The following PTPRK variants were observed in gnomAD, a reference collection of about 807,000 sequenced individuals.
PTPRK encodes the protein receptor-type tyrosine-protein phosphatase kappa.
Under a neutral mutation model 178.0 loss-of-function variants are expected in PTPRK, and 75 were observed. The observed-to-expected ratio is 0.42, with a 90% CI of 0.35 to 0.51. PTPRK has a LOEUF of 0.51. PTPRK is among the 20% of genes least tolerant of loss of function. The pLI, the probability that PTPRK is intolerant of heterozygous loss-of-function variation, is 0.02. For synonymous variants in PTPRK, 637 were observed against 620.6 expected, an observed-to-expected ratio of 1.03 and a Z score of -0.39; for missense variants, 1,441 against 1,797.8, an observed-to-expected ratio of 0.80 and a Z score of 3.59.
intron 7 of PTPRK, among the ~76,000 whole-genome samples, chr6:128,095,080 GC>G (rs1251649546): frequency 4.0e-5 from 6 of 151,526 alleles, no homozygotes; most frequent in South Asian, 2.1e-4. Flanking sequence ...TCTAGTGTCT[GC>G]CCCATTTTTC....
chr6:128,463,585 A>G (rs776885301), intron 1 of PTPRK, among the ~76,000 whole-genome samples: 2 of 151,634 alleles, frequency 1.3e-5, no homozygotes, highest in Non-Finnish European at 2.9e-5. Context: ...GTAGTTTTAT[A>G]TAAAACAAGT....
chr6:127,995,008 C>T (rs1583557252), intron 18 of PTPRK, among the ~76,000 whole-genome samples: 1 of 151,756 alleles, frequency 6.6e-6, no homozygotes, highest in East Asian at 1.9e-4. Context: ...AACTCGAGTA[C>T]ATAATAAACT....
intron 1 of PTPRK, among the ~76,000 whole-genome samples, chr6:128,467,926 G>C (rs974948118): frequency 1.3e-5 from 2 of 151,760 alleles, no homozygotes; most frequent in African/African-American, 2.4e-5. Flanking sequence ...GCTTCAATTA[G>C]AAGCAAATGT....
intron 2 of PTPRK, among the ~76,000 whole-genome samples, chr6:128,388,062 T>A (rs1275412924): frequency 1.3e-5 from 2 of 152,244 alleles, no homozygotes; most frequent in Non-Finnish European, 2.9e-5. Context: ...TAGACAAGCT[T>A]GCATTAGAGA....
intron 3 of PTPRK, among the ~76,000 whole-genome samples, chr6:128,253,517 C>A (rs1447850256): frequency 1.3e-5 from 2 of 152,154 alleles, no homozygotes; most frequent in Non-Finnish European, 2.9e-5. Context: ...GTGAAGGTTT[C>A]TACTTCTATC....
intron 7 of PTPRK, among the ~76,000 whole-genome samples, chr6:128,172,805 C>T (rs1800491946): frequency 6.6e-6 from 1 of 151,624 alleles, no homozygotes; most frequent in Non-Finnish European, 1.5e-5. Flanking sequence ...GACATATATT[C>T]TATATCTAGC....
At chr6:128,403,305 T>A (rs1028602478) in intron 1 of PTPRK, among the ~76,000 whole-genome samples, 6 of 152,178 alleles carry the variant, frequency 3.9e-5, no homozygotes, top group Non-Finnish European at 5.9e-5. Flanking sequence ...ACCCCCTTCA[T>A]CTTTACAGAG....
chr6:128,277,467 G>A (rs1461317813), intron 3 of PTPRK, among the ~76,000 whole-genome samples: 1 of 152,162 alleles, frequency 6.6e-6, no homozygotes, highest in African/African-American at 2.4e-5. Context: ...AAGTTAAAGA[G>A]AAGAGAGGTC....
chr6:128,426,172 AT>A (rs1252695537), intron 1 of PTPRK, among the ~76,000 whole-genome samples: 1 of 152,144 alleles, frequency 6.6e-6, no homozygotes, highest in Non-Finnish European at 1.5e-5. Flanking sequence ...TATTCCTCTG[AT>A]TTCTAGTCCT....
Position 128,009,149 on chromosome 6 carries a change from T to C in PTPRK, c.2314A>G (p.Ile772Val), listed in dbSNP as rs776453278. The change falls in exon 14 of 30, where the codon ATA (isoleucine) becomes GTA (valine). Residue 772 changes from isoleucine (I) to valine (V), a missense_variant. By Grantham distance (29) the Ile-to-Val change is conservative. Transcript: ENST00000368226. ...CCTTACCTCTTTTTTACAATTAATA[T>C]GACAACTAGGAGAAGGAGGATGAAC... ...LVFILLLLVV[I>V]LIVKKSKLAK... 2 of 1,608,586 alleles carry C rather than the reference T, an allele frequency of 1.2e-6. No homozygotes were observed. The highest frequency in any genetic ancestry group is 1.7e-5 in the Admixed American group (1 of 59,610).
At chr6:128,330,443 G>A (rs72972086) in intron 2 of PTPRK, among the ~76,000 whole-genome samples, 12,141 of 151,886 alleles carry the variant, frequency 0.08, 572 homozygotes, top group African/African-American at 0.12. Context: ...AGGACTCAAT[G>A]ATCAAACTAG....
chr6:128,341,676 C>T (rs1452168283), intron 2 of PTPRK, among the ~76,000 whole-genome samples: 1 of 152,156 alleles, frequency 6.6e-6, no homozygotes, highest in East Asian at 1.9e-4. Context: ...GAAAGGCTTT[C>T]CTGCCATTAA....
At chr6:128,420,959 T>A (rs1302996497) in intron 1 of PTPRK, among the ~76,000 whole-genome samples, 1 of 152,200 alleles carries the variant, frequency 6.6e-6, no homozygotes, top group Non-Finnish European at 1.5e-5. Context: ...TGTGCCCAGG[T>A]AAAATAGCCT....
intron 7 of PTPRK, among the ~76,000 whole-genome samples, chr6:128,091,896 C>T (rs529966377): frequency 1.3e-5 from 2 of 152,166 alleles, no homozygotes; most frequent in African/African-American, 2.4e-5. Context: ...ACATCTTACA[C>T]ACTGTAAAGA....
Position 127,976,764 on chromosome 6 carries a change from G to C in PTPRK, c.3862C>G (p.Pro1288Ala). 6.2e-7 allele frequency: 1 copy of C among 1,613,470 alleles called. No homozygotes were observed. Among genetic ancestry groups the C allele is most frequent in the Non-Finnish European group, 8.5e-7 (1 of 1,179,866 alleles). ...DLSQGCPQYW[P>A]EEGMLRYGPI... ...CCATATCGTAGCATCCCTTCCTCTGGCCAGTACTGAGGGCAGCCCTAAATG... is the reference window on the plus strand; with the variant it reads ...CCATATCGTAGCATCCCTTCCTCTGCCCAGTACTGAGGGCAGCCCTAAATG... The change falls in exon 27 of 30, where the codon CCA (proline) becomes GCA (alanine). Residue 1288 changes from proline to alanine, a missense_variant. Physicochemically the swap from Pro to Ala is conservative, Grantham distance 27 (BLOSUM62 -1). Transcript: ENST00000368226.
At chr6:128,226,660 G>C (rs1811348563) in intron 5 of PTPRK, among the ~76,000 whole-genome samples, 1 of 150,722 alleles carries the variant, frequency 6.6e-6, no homozygotes, top group African/African-American at 2.4e-5. Flanking sequence ...CTTCAGACTT[G>C]CCTAGCCAAT....
intron 13 of PTPRK, among the ~76,000 whole-genome samples, chr6:128,059,888 A>C (rs1780525310): frequency 6.6e-6 from 1 of 152,174 alleles, no homozygotes; most frequent in African/African-American, 2.4e-5. Flanking sequence ...AAACAATAAT[A>C]GTTTGTAACT....
intron 15 of PTPRK, among the ~76,000 whole-genome samples, chr6:127,999,534 A>G (rs900411330): frequency 1.3e-5 from 2 of 151,952 alleles, no homozygotes; most frequent in Non-Finnish European, 2.9e-5. Context: ...TATTGTTTTT[A>G]TTGCAAATGT....
intron 14 of PTPRK, among the ~76,000 whole-genome samples, chr6:128,005,528 T>A (rs904988850): frequency 2.7e-5 from 4 of 150,660 alleles, no homozygotes; most frequent in African/African-American, 7.3e-5. Flanking sequence ...ATAATTATAT[T>A]TATTAAAAGC....
Sources: gnomAD v4.1 joint callset for allele counts (sites outside exome capture counted in the v4.1 genomes callset) on GRCh38, gnomAD v4.1.1 for gene constraint, MANE v1.5 for transcripts, NCBI Gene and HGNC (gene_info 2026-07-23, HGNC 2026-07-21) for gene names.